Variants in ZNF875 observed in about 807,000 individuals in gnomAD.
The protein encoded by ZNF875 is zinc finger protein 875.
Under a neutral mutation model 11.2 loss-of-function variants are expected in ZNF875, and 14 were observed. The ratio of observed to expected loss-of-function variants is 1.26; its 90% CI spans 0.83 to 1.96. The LOEUF (loss-of-function observed/expected upper bound fraction) is 1.96. Ranked by LOEUF, ZNF875 falls within the 30% of genes most tolerant of loss-of-function variation. ZNF875 has a pLI of 0.00. For synonymous variants in ZNF875, 301 were observed against 281.1 expected (o/e 1.07, Z -0.71); for missense variants, 752 against 760.4 (o/e 0.99, Z 0.13).
At chr19:37,342,538 G>A (rs999236826) in intron 2 of ZNF875, among the ~76,000 whole-genome samples, 1 of 151,022 alleles carries the variant, frequency 6.6e-6, no homozygotes, top group African/African-American at 2.4e-5. Flanking sequence ...TCAGCCTCCC[G>A]AGTAGCTGGG....
chr19:37,331,893 G>A (rs1216016382), upstream of ZNF875, among the ~76,000 whole-genome samples: 2 of 131,426 alleles, frequency 1.5e-5, no homozygotes, highest in Non-Finnish European at 3.5e-5. Flanking sequence ...CAAGAGGAAG[G>A]CATCTGTCTC....
At chr19:37,319,368 T>TATATATATATATATATATAA (rs1390266781) in intron 1 of ZNF875, among the ~76,000 whole-genome samples, 14 of 144,010 alleles carry the variant, frequency 9.7e-5, no homozygotes, top group African/African-American at 3.6e-4. Context: ...TATATATATA[T>TATATATATATATATATATAA]AATAAAAATG....
chr19:37,359,259 A>G (rs1392312769), intron 4 of ZNF875, among the ~76,000 whole-genome samples: 2 of 152,152 alleles, frequency 1.3e-5, no homozygotes, highest in African/African-American at 2.4e-5. Flanking sequence ...TGTCACCTCT[A>G]TTCAACATTT....
At chr19:37,323,827 CAG>C (rs1467406808) in intron 3 of ZNF875, among the ~76,000 whole-genome samples, 1 of 152,194 alleles carries the variant, frequency 6.6e-6, no homozygotes, top group Non-Finnish European at 1.5e-5. Flanking sequence ...TGCCCATGAA[CAG>C]AGGAGCTGTG....
At chr19:37,346,990 T>A in intron 2 of ZNF875, 200 bp from the exon 3 acceptor site, 1 of 546,194 alleles carries the variant, frequency 1.8e-6, no homozygotes, top group South Asian at 2.0e-5. Context: ...ACTAATTTTG[T>A]ATTTTTAGTA....
At position 37,363,029 on chromosome 19, in the gene ZNF875, C is replaced by A. The variant is rs762746101; in HGVS notation, c.1177C>A (p.Pro393Thr). The A allele has an allele frequency of 2.5e-6, 4 of 1,614,204 alleles. No homozygotes were observed. Among genetic ancestry groups the A allele is most frequent in the Non-Finnish European group, 2.5e-6 (3 of 1,180,038 alleles). ...CAAGAGGACACATTCAGGAGAGAAG[C>A]CTTACATTTGCAGGGAGTGTGAGCA... ...RHKRTHSGEKPYICRECEQGF... is the reference protein window; with the variant it reads ...RHKRTHSGEKTYICRECEQGF... Residue 393 changes from proline (P) to threonine (T), a missense_variant, in exon 5 of 5, where the codon CCT becomes ACT. Pro to Thr is a conservative substitution (Grantham distance 38). Transcript: ENST00000392153.
chr19:37,361,938 G>A, intron 4 of ZNF875, 171 bp from the exon 5 acceptor site: 1 of 547,522 alleles, frequency 1.8e-6, no homozygotes, highest in South Asian at 2.4e-5. Flanking sequence ...AAAAACAAAA[G>A]AAAGTGTAAT....
intron 2 of ZNF875, among the ~76,000 whole-genome samples, chr19:37,340,474 A>G (rs371314001): frequency 6.6e-6 from 1 of 151,924 alleles, no homozygotes; most frequent in South Asian, 2.1e-4. Context: ...GTTTTCCCCA[A>G]CATTGCAGTA....
At chr19:37,347,439 T>C in intron 3 of ZNF875, 123 bp downstream of exon 3, 2 of 902,360 alleles carry the variant, frequency 2.2e-6, no homozygotes, top group Non-Finnish European at 3.4e-6. Context: ...ATTTACTTTT[T>C]TCCTCTGGGT....
chr19:37,319,742 T>C (rs1255247629), intron 1 of ZNF875, among the ~76,000 whole-genome samples: 2 of 152,262 alleles, frequency 1.3e-5, no homozygotes, highest in East Asian at 3.9e-4. Context: ...GTCTGGAAAC[T>C]AAGACCGGCT....
intron 1 of ZNF875, among the ~76,000 whole-genome samples, chr19:37,318,711 C>A (rs1021139319): frequency 6.6e-6 from 1 of 151,802 alleles, no homozygotes; most frequent in Non-Finnish European, 1.5e-5. Flanking sequence ...GTAGTAGAGA[C>A]GGGGTTTCAC....
intron 2 of ZNF875, among the ~76,000 whole-genome samples, chr19:37,341,273 G>T (rs1470230809): frequency 6.6e-6 from 1 of 152,170 alleles, no homozygotes; most frequent in Non-Finnish European, 1.5e-5. Context: ...TCACTTATTA[G>T]CACATAATTT....
chr19:37,362,782 T>C lies in ZNF875; in HGVS notation c.930T>C (p.Tyr310=). 1.2e-6 allele frequency: 2 copies of C among 1,613,650 alleles called. No homozygotes were observed. The highest frequency in any genetic ancestry group is 1.1e-5 in the South Asian group (1 of 91,046). ...GGACACACTCAGGGGAGAAACCTTA[T>C]GTGTGCAAGGATTGTGGACGAGGCT... ...HQRTHSGEKP[Y]VCKDCGRGFT... The change falls in exon 5 of 5, where the codon TAT becomes TAC. Residue 310 remains tyrosine (Y), a synonymous_variant. Coordinates refer to ENST00000392153, the MANE Select transcript of ZNF875 (RefSeq NM_001353803.2).
intron 4 of ZNF875, chr19:37,324,290 G>A (rs933639645): frequency 2.0e-5 from 3 of 152,136 alleles, no homozygotes; most frequent in Admixed American, 2.0e-4. Flanking sequence ...CCACTCACCT[G>A]TGTTGTCTTC....
chr19:37,314,287 AT>A (rs992361049), upstream of ZNF875, among the ~76,000 whole-genome samples: 7 of 151,698 alleles, frequency 4.6e-5, no homozygotes, highest in African/African-American at 1.7e-4. Flanking sequence ...AATTATTATT[AT>A]TTTTTTTATA....
At chr19:37,331,702 T>A (rs2033421421), upstream of ZNF875, among the ~76,000 whole-genome samples, 1 of 148,328 alleles carries the variant, frequency 6.7e-6, no homozygotes, top group African/African-American at 2.4e-5. Context: ...CGCAGGGACC[T>A]CTGCCTAGGA....
intron 2 of ZNF875, among the ~76,000 whole-genome samples, chr19:37,340,704 A>G (rs912174703): frequency 1.1e-4 from 15 of 134,086 alleles, no homozygotes; most frequent in Non-Finnish European, 2.1e-4. Context: ...GCTGGAGTGC[A>G]GTGTCACGAT....
intron 2 of ZNF875, among the ~76,000 whole-genome samples, chr19:37,339,979 T>TTTA (rs1043171492): frequency 6.6e-6 from 1 of 151,950 alleles, no homozygotes; most frequent in South Asian, 2.1e-4. Flanking sequence ...ATTTTATTCA[T>TTTA]TTATTATTAT....
At chr19:37,353,468 A>G (rs1283592852) in intron 4 of ZNF875, among the ~76,000 whole-genome samples, 1 of 152,226 alleles carries the variant, frequency 6.6e-6, no homozygotes, top group Non-Finnish European at 1.5e-5. Context: ...AGGTAAATGT[A>G]TGTAGAAATA....
Sources: gnomAD v4.1 joint callset for allele counts (sites outside exome capture counted in the v4.1 genomes callset) on GRCh38, gnomAD v4.1.1 for gene constraint, MANE v1.5 for transcripts, NCBI Gene and HGNC (gene_info 2026-07-23, HGNC 2026-07-21) for gene names.